The following SAMD12 variants were observed in gnomAD, a reference collection of about 807,000 sequenced individuals.
SAMD12 encodes sterile alpha motif domain containing 12, also known as sterile alpha motif domain-containing protein 12.
A neutral mutation model predicts 15.0 loss-of-function variants in SAMD12; 9 were observed. That is an observed-to-expected ratio of 0.60 (90% CI 0.36 to 1.05). The LOEUF (loss-of-function observed/expected upper bound fraction) is 1.05. SAMD12 is among the 50% of genes least tolerant of loss of function. SAMD12 has a pLI of 0.01. For synonymous variants in SAMD12, 86 were observed against 90.1 expected, an observed-to-expected ratio of 0.96 and a Z score of 0.25; for missense variants, 230 against 234.2, an observed-to-expected ratio of 0.98 and a Z score of 0.12.
chr8:118,580,988 C>T (rs886572993), intron 1 of SAMD12, 95 bp from the exon 2 acceptor site: 22 of 937,794 alleles, frequency 2.3e-5, no homozygotes, highest in Middle Eastern at 2.2e-4. Context: ...AGGAAAAAAA[C>T]GAGGCATCTA....
chr8:118,534,540 T>C (rs900050332), intron 2 of SAMD12, among the ~76,000 whole-genome samples: 34 of 152,246 alleles, frequency 2.2e-4, no homozygotes, highest in African/African-American at 7.7e-4. Context: ...CAGAGTGTTT[T>C]CCAACTTGGT....
chr8:118,402,148 A>T (rs890573575), intron 3 of SAMD12, among the ~76,000 whole-genome samples: 2 of 152,204 alleles, frequency 1.3e-5, no homozygotes, highest in African/African-American at 4.8e-5. Context: ...AAAAAATCAC[A>T]CACCACAAAA....
At chr8:118,318,743 G>T (rs1563759369) in intron 4 of SAMD12, among the ~76,000 whole-genome samples, 1 of 152,058 alleles carries the variant, frequency 6.6e-6, no homozygotes, top group Non-Finnish European at 1.5e-5. Context: ...GCTTGTATTT[G>T]CTTGAGGGAG....
At chr8:118,147,686 G>C in the SAMD12 span, among the ~76,000 whole-genome samples, 1 of 151,906 alleles carries the variant, frequency 6.6e-6, no homozygotes, top group African/African-American at 2.4e-5. Context: ...AGCTAAAAAA[G>C]GTTAAAGAAC....
the SAMD12 span, among the ~76,000 whole-genome samples, chr8:118,140,521 C>T: frequency 6.6e-6 from 1 of 152,142 alleles, no homozygotes; most frequent in African/African-American, 2.4e-5. Context: ...ATCCTCCTAC[C>T]TCAGTCTCCC....
intron 4 of SAMD12, among the ~76,000 whole-genome samples, chr8:118,322,360 C>G (rs966832038): frequency 3.3e-5 from 5 of 152,226 alleles, no homozygotes; most frequent in African/African-American, 1.2e-4. Flanking sequence ...ATAATAAGCT[C>G]TTCATAAATA....
intron 4 of SAMD12, among the ~76,000 whole-genome samples, chr8:118,259,243 C>A (rs546292845): frequency 2.0e-5 from 3 of 152,192 alleles, no homozygotes; most frequent in African/African-American, 4.8e-5. Flanking sequence ...GTCTAACAGG[C>A]CAGAAATGTG....
the SAMD12 span, among the ~76,000 whole-genome samples, chr8:118,171,370 A>T: frequency 6.6e-6 from 1 of 152,338 alleles, no homozygotes; most frequent in East Asian, 1.9e-4. Context: ...ATTTGCACAC[A>T]TAAAAATGTG....
chr8:118,530,978 C>T (rs1189736676), intron 2 of SAMD12, among the ~76,000 whole-genome samples: 1 of 152,168 alleles, frequency 6.6e-6, no homozygotes, highest in African/African-American at 2.4e-5. Flanking sequence ...GTAGCTAGGG[C>T]TACAGGCACA....
intron 2 of SAMD12, among the ~76,000 whole-genome samples, chr8:118,512,727 T>C (rs1418755107): frequency 6.6e-6 from 1 of 152,226 alleles, no homozygotes; most frequent in Non-Finnish European, 1.5e-5. Context: ...CACTCAAACA[T>C]ACCTTGCCCT....
At position 118,580,864 on chromosome 8, in the gene SAMD12, T is replaced by C; in HGVS notation, c.43A>G (p.Ile15Val). The change falls in exon 2 of 4, where the codon ATT becomes GTT. Residue 15 changes from isoleucine (I) to valine (V), a missense_variant. Coordinates refer to ENST00000314727, the MANE Select transcript of SAMD12 (RefSeq NM_207506.3). Reference protein sequence around the residue: ...ALHCGLNPRGIDHPAHAEGIK... With the variant: ...ALHCGLNPRGVDHPAHAEGIK... The stretch of plus-strand genomic sequence containing the variant: ...CCTTCAGCATGGGCAGGGTGATCAA[T>C]ACCCCGTGGATTCAAACCACAGTGG... The C allele has an allele frequency of 5.6e-6, 9 of 1,612,740 alleles. No individual in the cohort carries two copies. The highest frequency in any genetic ancestry group is 1.1e-5 in the South Asian group (1 of 90,918).
chr8:118,213,789 C>A (rs765619094), intron 4 of SAMD12, among the ~76,000 whole-genome samples: 51 of 152,308 alleles, frequency 3.3e-4, no homozygotes, highest in Middle Eastern at 3.4e-3. Context: ...TTATTCTACA[C>A]ACTGAAGTTA....
At chr8:118,617,269 C>T (rs541930242) in intron 1 of SAMD12, among the ~76,000 whole-genome samples, 1 of 152,354 alleles carries the variant, frequency 6.6e-6, no homozygotes, top group East Asian at 1.9e-4. Context: ...CAGTGTTTAC[C>T]GTGACTGCTT....
chr8:118,408,961 C>T (rs377025317), intron 3 of SAMD12, among the ~76,000 whole-genome samples: 14 of 152,044 alleles, frequency 9.2e-5, no homozygotes, highest in Non-Finnish European at 1.6e-4. Context: ...TGCAGTGGTG[C>T]ACTCTCGGCC....
chr8:118,459,655 G>A (rs111479891), intron 2 of SAMD12, among the ~76,000 whole-genome samples: 6 of 152,238 alleles, frequency 3.9e-5, no homozygotes, highest in African/African-American at 1.2e-4. Context: ...AATTTGTTTA[G>A]TAAGTGGCCC....
intron 3 of SAMD12, among the ~76,000 whole-genome samples, chr8:118,392,227 G>A (rs1015511770): frequency 1.3e-5 from 2 of 152,152 alleles, no homozygotes; most frequent in African/African-American, 2.4e-5. Flanking sequence ...AGGAGATTGA[G>A]ACCATCCTGG....
intron 3 of SAMD12, among the ~76,000 whole-genome samples, chr8:118,390,359 A>G (rs147602947): frequency 1.3e-5 from 2 of 152,266 alleles, no homozygotes; most frequent in African/African-American, 4.8e-5. Context: ...CTTTCAGTGC[A>G]AAGGAATTCA....
chr8:118,556,912 C>T (rs964334135), intron 2 of SAMD12, among the ~76,000 whole-genome samples: 4 of 151,346 alleles, frequency 2.6e-5, no homozygotes, highest in Non-Finnish European at 5.9e-5. Flanking sequence ...TGCAGTGAGC[C>T]GAGATCATGC....
At chr8:118,397,330 C>T (rs975861623) in intron 3 of SAMD12, among the ~76,000 whole-genome samples, 3 of 151,978 alleles carry the variant, frequency 2.0e-5, no homozygotes, top group Non-Finnish European at 2.9e-5. Context: ...TCCCAAGGGG[C>T]GACAAGAGAC....
Sources: allele counts gnomAD v4.1 joint callset (sites outside exome capture counted in the v4.1 genomes callset), GRCh38; gene constraint gnomAD v4.1.1; transcripts MANE v1.5; gene names NCBI Gene and HGNC (gene_info 2026-07-23, HGNC 2026-07-21).